TAFA2: variants seen among roughly 807,000 people sequenced by gnomAD.
TAFA2 encodes the protein chemokine-like protein TAFA-2.
Under a neutral mutation model 18.8 loss-of-function variants are expected in TAFA2, and 7 were observed. The ratio of observed to expected loss-of-function variants is 0.37; its 90% CI spans 0.21 to 0.70. TAFA2 has a LOEUF of 0.70. Among genes scored for constraint, TAFA2 ranks in the 30% least tolerant of loss-of-function variants. TAFA2 has a pLI of 0.53. For missense variants in TAFA2, 122 were observed against 158.1 expected, an observed-to-expected ratio of 0.77 and a Z score of 1.23; for synonymous variants, 60 against 54.2, an observed-to-expected ratio of 1.11 and a Z score of -0.47.
At chr12:61,733,612 G>C (rs1868257556) in intron 4 of TAFA2, among the ~76,000 whole-genome samples, 1 of 147,392 alleles carries the variant, frequency 6.8e-6, no homozygotes, top group South Asian at 2.2e-4. Flanking sequence ...TGAGGGCTCT[G>C]TTCTGTTCCA....
intron 1 of TAFA2, among the ~76,000 whole-genome samples, chr12:62,096,989 T>G (rs962873493): frequency 3.3e-5 from 5 of 152,122 alleles, no homozygotes; most frequent in African/African-American, 9.7e-5. Flanking sequence ...TGATTCCCCA[T>G]CAGAATGTCT....
At chr12:62,103,349 C>G (rs1462086348) in intron 1 of TAFA2, among the ~76,000 whole-genome samples, 1 of 152,188 alleles carries the variant, frequency 6.6e-6, no homozygotes, top group Non-Finnish European at 1.5e-5. Context: ...CACACACTTA[C>G]CCCATCAGAA....
chr12:61,839,762 A>T (rs1345384843), intron 2 of TAFA2, among the ~76,000 whole-genome samples: 1 of 152,114 alleles, frequency 6.6e-6, no homozygotes. Context: ...AAAACTACCT[A>T]TCAGGTACTA....
At chr12:62,228,099 A>AT (rs1443178451) in intron 1 of TAFA2, among the ~76,000 whole-genome samples, 1 of 152,102 alleles carries the variant, frequency 6.6e-6, no homozygotes, top group African/African-American at 2.4e-5. Context: ...CTCTGAAATA[A>AT]TTGTTTTAAT....
chr12:62,175,891 C>A (rs570797457), intron 1 of TAFA2, among the ~76,000 whole-genome samples: 1 of 150,300 alleles, frequency 6.7e-6, no homozygotes, highest in Admixed American at 6.6e-5. Flanking sequence ...TATTAAATTA[C>A]AAGAAAATTT....
chr12:62,185,412 A>G (rs774734517), intron 1 of TAFA2, among the ~76,000 whole-genome samples: 48 of 152,286 alleles, frequency 3.2e-4, no homozygotes, highest in Non-Finnish European at 5.1e-4. Flanking sequence ...ATTTCACTCA[A>G]TTTGACTCAA....
intron 1 of TAFA2, among the ~76,000 whole-genome samples, chr12:61,907,135 G>T (rs1016612698): frequency 5.9e-5 from 9 of 152,236 alleles, no homozygotes; most frequent in African/African-American, 1.9e-4. Context: ...TGGCTGAACA[G>T]ATTTGCATAA....
At chr12:62,112,958 A>G (rs1007050143) in intron 1 of TAFA2, among the ~76,000 whole-genome samples, 5 of 151,958 alleles carry the variant, frequency 3.3e-5, no homozygotes, top group African/African-American at 1.2e-4. Context: ...GTTTGTTATT[A>G]CCCACCTTCT....
intron 1 of TAFA2, among the ~76,000 whole-genome samples, chr12:61,960,634 C>T (rs928943289): frequency 6.6e-6 from 1 of 151,828 alleles, no homozygotes; most frequent in African/African-American, 2.4e-5. Context: ...TTGCTGTTAC[C>T]CACATCATCA....
intron 1 of TAFA2, among the ~76,000 whole-genome samples, chr12:62,127,396 A>T (rs1473624186): frequency 1.3e-5 from 2 of 151,930 alleles, no homozygotes; most frequent in Non-Finnish European, 2.9e-5. Flanking sequence ...AATTGGACTT[A>T]CTTATTTTTG....
chr12:62,256,763 C>T (rs1183810700), intron 1 of TAFA2, among the ~76,000 whole-genome samples: 2 of 152,116 alleles, frequency 1.3e-5, no homozygotes, highest in African/African-American at 2.4e-5. Flanking sequence ...TGCCTCGTGG[C>T]ACTTACAATT....
At chr12:62,060,719 A>G (rs1238371150) in intron 1 of TAFA2, among the ~76,000 whole-genome samples, 1 of 152,216 alleles carries the variant, frequency 6.6e-6, no homozygotes, top group Non-Finnish European at 1.5e-5. Flanking sequence ...GGGACAAGAT[A>G]TGGAGGCTGC....
chr12:62,046,745 C>T (rs1457439807), intron 1 of TAFA2, among the ~76,000 whole-genome samples: 2 of 151,864 alleles, frequency 1.3e-5, no homozygotes, highest in Admixed American at 1.3e-4. Context: ...GAATAACTAA[C>T]ACTATGTGAT....
At chr12:61,730,409 C>T (rs1412169189) in intron 4 of TAFA2, among the ~76,000 whole-genome samples, 1 of 152,100 alleles carries the variant, frequency 6.6e-6, no homozygotes, top group Admixed American at 6.6e-5. Context: ...GAGACAGAAG[C>T]TTGCCCTCAG....
At chr12:61,992,389 C>T (rs560286125) in intron 1 of TAFA2, among the ~76,000 whole-genome samples, 1 of 152,242 alleles carries the variant, frequency 6.6e-6, no homozygotes, top group African/African-American at 2.4e-5. Context: ...ATAGTAAAGC[C>T]TATAAGCTCT....
intron 2 of TAFA2, among the ~76,000 whole-genome samples, chr12:61,796,038 G>T (rs943111284): frequency 5.9e-5 from 9 of 152,106 alleles, no homozygotes; most frequent in Non-Finnish European, 1.0e-4. Flanking sequence ...CTCCTAGTGG[G>T]AATATGAAAT....
At chr12:62,067,914 A>G (rs886084586) in intron 1 of TAFA2, among the ~76,000 whole-genome samples, 1 of 152,036 alleles carries the variant, frequency 6.6e-6, no homozygotes, top group African/African-American at 2.4e-5. Context: ...ATTTATTTCA[A>G]CTTGAGTATG....
At chr12:62,207,393 T>C (rs1271537446) in intron 1 of TAFA2, 2 of 152,198 alleles carry the variant, frequency 1.3e-5, no homozygotes, top group East Asian at 1.9e-4. Flanking sequence ...TTCTCCTAGC[T>C]ACTAGAGTCC....
chr12:61,836,927 C>T (rs367577635), intron 2 of TAFA2, among the ~76,000 whole-genome samples: 1 of 151,042 alleles, frequency 6.6e-6, no homozygotes, highest in South Asian at 2.1e-4. Flanking sequence ...CATATGAAGG[C>T]TATTATTTTA....
Sources: allele counts gnomAD v4.1 joint callset (sites outside exome capture counted in the v4.1 genomes callset), GRCh38; gene constraint gnomAD v4.1.1; transcripts MANE v1.5; gene names NCBI Gene and HGNC (gene_info 2026-07-23, HGNC 2026-07-21).